The following GRIN2A variants were observed in gnomAD, a reference collection of about 807,000 sequenced individuals.
The protein encoded by GRIN2A is glutamate receptor ionotropic, NMDA 2A.
Under a neutral mutation model 113.4 loss-of-function variants are expected in GRIN2A, and 22 were observed. The observed-to-expected ratio is 0.19, with a 90% confidence interval of 0.14 to 0.28. The LOEUF is 0.28. GRIN2A is among the 10% of genes least tolerant of loss of function. The probability of loss-of-function intolerance (pLI) is 1.00; values close to 1 mark genes in which losing one functional copy is unlikely to be tolerated. For missense variants in GRIN2A, 1,502 were observed against 1,887.0 expected, an observed-to-expected ratio of 0.80 and a Z score of 3.78; for synonymous variants, 827 against 738.4, an observed-to-expected ratio of 1.12 and a Z score of -1.94.
At chr16:9,977,125 C>T (rs1206039338) in intron 2 of GRIN2A, among the ~76,000 whole-genome samples, 1 of 152,140 alleles carries the variant, frequency 6.6e-6, no homozygotes, top group East Asian at 1.9e-4. Context: ...ATGCAAGACA[C>T]CATTTTCAAA....
intron 2 of GRIN2A, among the ~76,000 whole-genome samples, chr16:9,990,499 C>G (rs1447047976): frequency 6.6e-6 from 1 of 151,680 alleles, no homozygotes. Context: ...CATAATATGT[C>G]TATGTAACAA....
intron 2 of GRIN2A, among the ~76,000 whole-genome samples, chr16:9,962,375 C>T (rs543014808): frequency 6.6e-6 from 1 of 151,982 alleles, no homozygotes; most frequent in African/African-American, 2.4e-5. Flanking sequence ...TGACAAAGGG[C>T]TAATATCCAG....
intron 3 of GRIN2A, among the ~76,000 whole-genome samples, chr16:9,926,887 T>G (rs939374289): frequency 6.6e-6 from 1 of 150,522 alleles, no homozygotes. Context: ...TGTTTAAACA[T>G]TGGGACTTTA....
At chr16:9,803,540 A>G (rs1377409390) in intron 10 of GRIN2A, among the ~76,000 whole-genome samples, 1 of 152,268 alleles carries the variant, frequency 6.6e-6, no homozygotes. Flanking sequence ...AATGCTCGAA[A>G]CACATAAATG....
chr16:10,042,388 G>A (rs1477267985), intron 2 of GRIN2A, among the ~76,000 whole-genome samples: 1 of 151,976 alleles, frequency 6.6e-6, no homozygotes, highest in Non-Finnish European at 1.5e-5. Flanking sequence ...GCAGCCCCAC[G>A]GAGAGGTTCT....
intron 2 of GRIN2A, among the ~76,000 whole-genome samples, chr16:10,178,896 G>A (rs1335520876): frequency 6.6e-6 from 1 of 152,238 alleles, no homozygotes; most frequent in Non-Finnish European, 1.5e-5. Flanking sequence ...CTCAGGGCTA[G>A]AGGCTATGGC....
chr16:9,802,394 G>A (rs1223240147), intron 10 of GRIN2A, among the ~76,000 whole-genome samples: 1 of 152,148 alleles, frequency 6.6e-6, no homozygotes, highest in African/African-American at 2.4e-5. Flanking sequence ...GCAGAGACAT[G>A]AATGGAGGTG....
intron 5 of GRIN2A, among the ~76,000 whole-genome samples, chr16:9,845,941 C>T (rs1596489763): frequency 6.6e-6 from 1 of 152,212 alleles, no homozygotes; most frequent in South Asian, 2.1e-4. Context: ...CCCTGTTCAT[C>T]CATGTATCCC....
chr16:9,763,073 G>A lies in GRIN2A; in HGVS notation c.*76C>T, dbSNP rs1447600948. 2 of 1,440,276 alleles carry A rather than the reference G, an allele frequency of 1.4e-6. No homozygotes were observed. The highest frequency in any genetic ancestry group is 4.5e-5 in the East Asian group (2 of 44,034). 89.2% of individuals were successfully genotyped at this position (1,440,276 alleles called of 1,614,324 possible). On this transcript the variant is annotated 3_prime_UTR_variant, in exon 13 of 13. Coordinates refer to ENST00000330684, the MANE Select transcript of GRIN2A (RefSeq NM_001134407.3). ...TCTTCCTCTTAGCAGGGCACTATTG[G>A]ACATCCAACATTTACCCTCCAGAAC...
chr16:9,851,644 C>G (rs114115260), intron 4 of GRIN2A, among the ~76,000 whole-genome samples: 2,058 of 152,250 alleles, frequency 0.014, 50 homozygotes, highest in African/African-American at 0.047. Context: ...ACACAACCTT[C>G]GAGAGAGGGT....
Position 9,840,627 on chromosome 16 carries a change from T to A in GRIN2A, c.1651+20A>T, listed in dbSNP as rs1289695669. On this transcript the variant is annotated intron_variant, in intron 7 of 12. Transcript: ENST00000330684. ...ACAATTCCTTATAGGAAAGCAATAGTCACTATGAAATTCACACACCTAGAA... is the reference window on the plus strand; with the variant it reads ...ACAATTCCTTATAGGAAAGCAATAGACACTATGAAATTCACACACCTAGAA... 6.2e-7 allele frequency: 1 copy of A among 1,608,216 alleles called. No homozygotes were observed.
chr16:10,003,813 G>A (rs542511283), intron 2 of GRIN2A, among the ~76,000 whole-genome samples: 1 of 152,222 alleles, frequency 6.6e-6, no homozygotes, highest in African/African-American at 2.4e-5. Flanking sequence ...CTATGAGTAA[G>A]AGGAATAAGT....
At chr16:9,939,286 A>C (rs1418981731) in intron 2 of GRIN2A, among the ~76,000 whole-genome samples, 1 of 152,216 alleles carries the variant, frequency 6.6e-6, no homozygotes, top group Non-Finnish European at 1.5e-5. Flanking sequence ...TGTTACAGTC[A>C]GAGGAATCCC....
At chr16:9,956,910 C>T (rs1166514958) in intron 2 of GRIN2A, among the ~76,000 whole-genome samples, 1 of 152,166 alleles carries the variant, frequency 6.6e-6, no homozygotes, top group East Asian at 1.9e-4. Flanking sequence ...TTTAAGATAG[C>T]CATTGGGGTG....
chr16:10,137,563 G>A (rs1377333910), intron 2 of GRIN2A, among the ~76,000 whole-genome samples: 4 of 152,100 alleles, frequency 2.6e-5, no homozygotes, highest in African/African-American at 9.7e-5. Flanking sequence ...CCATATTCAG[G>A]CACTCGATTA....
intron 2 of GRIN2A, among the ~76,000 whole-genome samples, chr16:10,094,908 A>G (rs1194107565): frequency 1.4e-5 from 2 of 141,446 alleles, no homozygotes; most frequent in Admixed American, 7.2e-5. Flanking sequence ...AAAAAAAATG[A>G]GGACTTCTAG....
At chr16:9,857,616 A>T (rs1309227169) in intron 4 of GRIN2A, among the ~76,000 whole-genome samples, 1 of 152,198 alleles carries the variant, frequency 6.6e-6, no homozygotes, top group Non-Finnish European at 1.5e-5. Flanking sequence ...CACTTGGGCA[A>T]ATTTCTTAAT....
intron 10 of GRIN2A, among the ~76,000 whole-genome samples, chr16:9,819,184 T>C (rs2042236738): frequency 1.3e-5 from 2 of 152,214 alleles, no homozygotes; most frequent in African/African-American, 4.8e-5. Flanking sequence ...TCTTTTTATG[T>C]ACTTTTTTAT....
intron 2 of GRIN2A, among the ~76,000 whole-genome samples, chr16:10,154,794 G>A (rs769189559): frequency 3.3e-5 from 5 of 152,190 alleles, no homozygotes; most frequent in Non-Finnish European, 1.5e-5. Context: ...GACAGAAATA[G>A]CAGCACAGAC....
Sources: allele counts gnomAD v4.1 joint callset (sites outside exome capture counted in the v4.1 genomes callset), GRCh38; gene constraint gnomAD v4.1.1; transcripts MANE v1.5; gene names NCBI Gene and HGNC (gene_info 2026-07-23, HGNC 2026-07-21).